Variants in TMPRSS15 observed in about 807,000 individuals in gnomAD.
TMPRSS15 encodes enteropeptidase.
A neutral mutation model predicts 125.3 loss-of-function variants in TMPRSS15; 128 were observed. The ratio of observed to expected loss-of-function variants is 1.02; its 90% CI spans 0.89 to 1.18. The LOEUF is 1.18. Ranked by LOEUF, TMPRSS15 falls within the 50% of genes most tolerant of loss-of-function variation. The probability of loss-of-function intolerance (pLI) is 0.00; values close to 1 mark genes in which losing one functional copy is unlikely to be tolerated. For synonymous variants in TMPRSS15, 446 were observed against 423.2 expected (o/e 1.05, Z -0.66); for missense variants, 1,283 against 1,212.7 (o/e 1.06, Z -0.86).
At chr21:18,352,582 G>T (rs2075580848) in intron 10 of TMPRSS15, among the ~76,000 whole-genome samples, 1 of 151,928 alleles carries the variant, frequency 6.6e-6, no homozygotes. Flanking sequence ...CTTCAGAAAA[G>T]CTAATTGCCT....
At chr21:18,407,653 G>T (rs2076155992), upstream of TMPRSS15, among the ~76,000 whole-genome samples, 1 of 151,844 alleles carries the variant, frequency 6.6e-6, no homozygotes, top group Non-Finnish European at 1.5e-5. Context: ...TAGAAATGAG[G>T]TCTCACTTCG....
intron 1 of TMPRSS15, among the ~76,000 whole-genome samples, chr21:18,431,780 A>G (rs897259666): frequency 6.6e-6 from 1 of 152,108 alleles, no homozygotes; most frequent in African/African-American, 2.4e-5. Flanking sequence ...GGATTTATCT[A>G]TGCGATCAAA....
intron 1 of TMPRSS15, among the ~76,000 whole-genome samples, chr21:18,424,664 G>T (rs1477614409): frequency 6.6e-6 from 1 of 152,088 alleles, no homozygotes; most frequent in Non-Finnish European, 1.5e-5. Flanking sequence ...GACAAAAGGA[G>T]CCGGGGGAAA....
chr21:18,360,582 C>T (rs1336676664), intron 7 of TMPRSS15, among the ~76,000 whole-genome samples: 1 of 152,074 alleles, frequency 6.6e-6, no homozygotes, highest in East Asian at 1.9e-4. Context: ...TTAGCACCCT[C>T]GTGGAAGATC....
chr21:18,475,222 T>A (rs559759010), intron 1 of TMPRSS15, among the ~76,000 whole-genome samples: 1 of 152,304 alleles, frequency 6.6e-6, no homozygotes, highest in African/African-American at 2.4e-5. Flanking sequence ...TCAGAGTTGA[T>A]TCCTATTCTA....
At chr21:18,437,621 A>G (rs2076230829) in intron 1 of TMPRSS15, among the ~76,000 whole-genome samples, 1 of 152,148 alleles carries the variant, frequency 6.6e-6, no homozygotes, top group African/African-American at 2.4e-5. Context: ...ACTCAAACAA[A>G]TTTACAAGAA....
At chr21:18,431,218 C>G (rs1476616366) in intron 1 of TMPRSS15, among the ~76,000 whole-genome samples, 2 of 152,108 alleles carry the variant, frequency 1.3e-5, no homozygotes, top group East Asian at 3.9e-4. Context: ...TCTTAAGAAC[C>G]AGCCTAGCCC....
intron 14 of TMPRSS15, among the ~76,000 whole-genome samples, 195 bp downstream of exon 14, chr21:18,331,889 T>C (rs1426034627): frequency 2.0e-5 from 3 of 152,224 alleles, no homozygotes; most frequent in African/African-American, 4.8e-5. Context: ...ATTAACACAG[T>C]GCCTGGCATG....
intron 1 of TMPRSS15, among the ~76,000 whole-genome samples, chr21:18,474,146 C>G (rs1030923888): frequency 9.9e-5 from 15 of 151,832 alleles, no homozygotes; most frequent in African/African-American, 3.4e-4. Context: ...TATATATATA[C>G]CCATATATCT....
At chr21:18,471,400 G>A (rs2123283270) in intron 1 of TMPRSS15, among the ~76,000 whole-genome samples, 1 of 151,870 alleles carries the variant, frequency 6.6e-6, no homozygotes, top group East Asian at 1.9e-4. Flanking sequence ...CCAAATACAA[G>A]TTAATGGTCT....
At chr21:18,459,086 T>C (rs2123271057) in intron 1 of TMPRSS15, among the ~76,000 whole-genome samples, 1 of 152,316 alleles carries the variant, frequency 6.6e-6, no homozygotes, top group East Asian at 1.9e-4. Context: ...TGTGCATAGG[T>C]ATATAAAGTG....
At chr21:18,291,190 C>T (rs545182668) in intron 21 of TMPRSS15, among the ~76,000 whole-genome samples, 37 of 152,270 alleles carry the variant, frequency 2.4e-4, no homozygotes, top group African/African-American at 7.9e-4. Context: ...GATGAGGAAA[C>T]GGAAACTTAG....
intron 4 of TMPRSS15, among the ~76,000 whole-genome samples, chr21:18,380,777 T>A (rs1176772647): frequency 1.3e-5 from 2 of 152,154 alleles, no homozygotes; most frequent in Non-Finnish European, 2.9e-5. Context: ...AGTCTGCATA[T>A]TCTCTCTATG....
chr21:18,388,076 C>T (rs1239723729), intron 3 of TMPRSS15, among the ~76,000 whole-genome samples: 1 of 152,108 alleles, frequency 6.6e-6, no homozygotes, highest in Non-Finnish European at 1.5e-5. Context: ...TCCTCCTCTT[C>T]TAGGTCTCCC....
intron 3 of TMPRSS15, among the ~76,000 whole-genome samples, chr21:18,397,572 C>A (rs779316873): frequency 6.6e-6 from 1 of 152,066 alleles, no homozygotes; most frequent in Admixed American, 6.6e-5. Flanking sequence ...TATTAAATGA[C>A]AAGCAAGCTT....
chr21:18,390,134 T>C (rs549273613), intron 3 of TMPRSS15, among the ~76,000 whole-genome samples: 2 of 152,334 alleles, frequency 1.3e-5, no homozygotes, highest in South Asian at 4.1e-4. Context: ...AGTCCCTATC[T>C]ATGCCTTTCA....
At chr21:18,327,967 C>T (rs577600466) in intron 15 of TMPRSS15, among the ~76,000 whole-genome samples, 1 of 152,052 alleles carries the variant, frequency 6.6e-6, no homozygotes, top group Non-Finnish European at 1.5e-5. Flanking sequence ...GCAGGAGGAT[C>T]GCTTAAACCA....
intron 1 of TMPRSS15, among the ~76,000 whole-genome samples, chr21:18,419,163 C>T (rs1185767568): frequency 6.6e-6 from 1 of 152,060 alleles, no homozygotes; most frequent in Non-Finnish European, 1.5e-5. Flanking sequence ...TTACCAGCTC[C>T]CCAAAACTTT....
chr21:18,470,346 G>A (rs1448348406), intron 1 of TMPRSS15, among the ~76,000 whole-genome samples: 4 of 151,696 alleles, frequency 2.6e-5, no homozygotes, highest in Non-Finnish European at 5.9e-5. Flanking sequence ...CTTTTTAGGA[G>A]CCTCCCTGTC....
Sources: gnomAD v4.1 joint callset for allele counts (sites outside exome capture counted in the v4.1 genomes callset) on GRCh38, gnomAD v4.1.1 for gene constraint, MANE v1.5 for transcripts, NCBI Gene and HGNC (gene_info 2026-07-23, HGNC 2026-07-21) for gene names.